The following CTNNA2 variants were observed in gnomAD, a reference collection of about 807,000 sequenced individuals.
The protein encoded by CTNNA2 is catenin alpha-2.
In CTNNA2, 42 loss-of-function variants were observed where a neutral mutation model predicts 101.0. The observed-to-expected ratio is 0.42, with a 90% CI of 0.32 to 0.54. The LOEUF is 0.54. Ranked by LOEUF, CTNNA2 falls within the 20% of genes least tolerant of loss-of-function variation. The pLI is 0.14. For synonymous variants in CTNNA2, 450 were observed against 456.4 expected (o/e 0.99, Z 0.18); for missense variants, 871 against 1,223.1 (o/e 0.71, Z 4.29).
intron 9 of CTNNA2, among the ~76,000 whole-genome samples, chr2:80,431,899 G>T (rs573790782): frequency 2.2e-4 from 33 of 149,104 alleles, no homozygotes; most frequent in East Asian, 3.9e-4. Flanking sequence ...CAACTTTTTG[G>T]TTTTTTTTTT....
chr2:79,791,580 T>G (rs1216257127), intron 3 of CTNNA2, among the ~76,000 whole-genome samples: 1 of 152,164 alleles, frequency 6.6e-6, no homozygotes, highest in Non-Finnish European at 1.5e-5. Flanking sequence ...TTTTATTTTA[T>G]GAAAACATAT....
At chr2:79,268,410 C>A (rs1378007483) in intron 2 of CTNNA2, among the ~76,000 whole-genome samples, 1 of 152,136 alleles carries the variant, frequency 6.6e-6, no homozygotes, top group Non-Finnish European at 1.5e-5. Context: ...CTGCATACCT[C>A]ACCCCATGCA....
intron 7 of CTNNA2, among the ~76,000 whole-genome samples, chr2:80,092,059 G>T (rs531120560): frequency 6.6e-6 from 1 of 152,178 alleles, no homozygotes; most frequent in African/African-American, 2.4e-5. Flanking sequence ...CACGACAAAT[G>T]ATCATTATTA....
At chr2:80,295,283 C>T (rs1407169908) in intron 7 of CTNNA2, among the ~76,000 whole-genome samples, 1 of 150,946 alleles carries the variant, frequency 6.6e-6, no homozygotes, top group Non-Finnish European at 1.5e-5. Context: ...TGTCTCAGGT[C>T]TCATGTGCGG....
chr2:80,627,682 C>T (rs768378570), intron 18 of CTNNA2, among the ~76,000 whole-genome samples: 5 of 152,080 alleles, frequency 3.3e-5, no homozygotes, highest in Non-Finnish European at 5.9e-5. Flanking sequence ...ATGATAGTTT[C>T]CTTTGCTGTG....
chr2:79,468,788 A>G lies in CTNNA2; in HGVS notation c.-134-36266A>G, dbSNP rs547357231. Reference sequence around the variant, plus strand: ...CTGCTCCTGAATGATTACTGGGTACATAACGAAATGAAGGCAGAAATAAAG... The same window carrying G: ...CTGCTCCTGAATGATTACTGGGTACGTAACGAAATGAAGGCAGAAATAAAG... On this transcript the variant is annotated intron_variant, in intron 4 of 21. Coordinates refer to the CTNNA2 transcript ENST00000466387. Among the ~76,000 whole-genome samples the G allele has an allele frequency of 3.3e-3, 507 of 152,324 alleles. 7 individuals carry two copies. Among genetic ancestry groups the G allele is most frequent in the African/African-American group, 0.011 (475 of 41,558 alleles).
chr2:79,400,545 G>A (rs980284757), intron 4 of CTNNA2, among the ~76,000 whole-genome samples: 6 of 151,792 alleles, frequency 4.0e-5, no homozygotes, highest in Admixed American at 6.6e-5. Context: ...GCGAACTGTC[G>A]AAAAGAAAAA....
chr2:80,034,354 C>CT (rs1199616310), intron 7 of CTNNA2, among the ~76,000 whole-genome samples: 7,980 of 54,042 alleles, frequency 0.15, 927 homozygotes, highest in African/African-American at 0.29. Context: ...ATTTTTTTTT[C>CT]TTTTTTTTTT....
chr2:79,955,698 A>G (rs1470855935), intron 7 of CTNNA2, among the ~76,000 whole-genome samples: 1 of 152,030 alleles, frequency 6.6e-6, no homozygotes, highest in African/African-American at 2.4e-5. Context: ...GATTTTTTGT[A>G]GAGACAGAAG....
chr2:79,754,075 G>A (rs1021819872), intron 3 of CTNNA2, among the ~76,000 whole-genome samples: 2 of 151,946 alleles, frequency 1.3e-5, no homozygotes, highest in Admixed American at 6.6e-5. Context: ...CACCATGTTG[G>A]CCAAGCTGGT....
chr2:79,677,253 C>T (rs187935645), intron 2 of CTNNA2, among the ~76,000 whole-genome samples: 1 of 152,272 alleles, frequency 6.6e-6, no homozygotes, highest in Non-Finnish European at 1.5e-5. Flanking sequence ...CACTGTTTCC[C>T]CTTTAAAGTC....
chr2:80,620,776 T>A (rs1684038958), intron 18 of CTNNA2, among the ~76,000 whole-genome samples: 1 of 151,916 alleles, frequency 6.6e-6, no homozygotes, highest in Admixed American at 6.6e-5. Context: ...TTTAATGTCT[T>A]TTATCAACCC....
At chr2:79,214,412 T>C (rs1267450475) in intron 2 of CTNNA2, among the ~76,000 whole-genome samples, 1 of 152,100 alleles carries the variant, frequency 6.6e-6, no homozygotes, top group Non-Finnish European at 1.5e-5. Context: ...AAGGGGCAGA[T>C]CCTGAACTAA....
At chr2:79,947,228 A>C (rs1688560034) in intron 7 of CTNNA2, among the ~76,000 whole-genome samples, 1 of 152,186 alleles carries the variant, frequency 6.6e-6, no homozygotes, top group South Asian at 2.1e-4. Flanking sequence ...TGACTCCTTA[A>C]TGAGCACATT....
At chr2:80,021,139 C>T (rs904442573) in intron 7 of CTNNA2, among the ~76,000 whole-genome samples, 4 of 151,748 alleles carry the variant, frequency 2.6e-5, no homozygotes, top group African/African-American at 9.7e-5. Context: ...CCCACCTCAG[C>T]CTCCTGAGCA....
At chr2:79,776,043 C>T (rs984589261) in intron 3 of CTNNA2, among the ~76,000 whole-genome samples, 3 of 152,126 alleles carry the variant, frequency 2.0e-5, no homozygotes, top group African/African-American at 7.2e-5. Flanking sequence ...TTATACTCCT[C>T]CCTTATGAGC....
rs779811813 is a variant in CTNNA2, at chr2:80,574,322, A to G, written c.1893+8A>G. On this transcript the variant is annotated splice_region_variant and intron_variant, in intron 13 of 18. Transcript: ENST00000402739. ...GCTGTGCTGATGATCAGGGTATGTG[A>G]GGCCTCTGTAGCTCAGAGCTGGTCA... is the stretch of plus-strand genomic sequence containing the variant. The G allele has an allele frequency of 9.4e-6, 15 of 1,601,068 alleles. No homozygotes were observed. Among genetic ancestry groups the G allele is most frequent in the Non-Finnish European group, 1.3e-5 (15 of 1,170,958 alleles).
intron 1 of CTNNA2, among the ~76,000 whole-genome samples, chr2:79,187,115 C>T (rs913696648): frequency 6.6e-6 from 1 of 151,892 alleles, no homozygotes; most frequent in African/African-American, 2.4e-5. Context: ...GGTATTATAT[C>T]AAGAGGACCA....
At chr2:79,840,697 C>T (rs993292541) in intron 3 of CTNNA2, among the ~76,000 whole-genome samples, 1 of 151,702 alleles carries the variant, frequency 6.6e-6, no homozygotes, top group African/African-American at 2.4e-5. Context: ...CCCGGGGAGG[C>T]CAAGGTGGGA....
Sources: allele counts gnomAD v4.1 joint callset (sites outside exome capture counted in the v4.1 genomes callset), GRCh38; gene constraint gnomAD v4.1.1; transcripts MANE v1.5; gene names NCBI Gene and HGNC (gene_info 2026-07-23, HGNC 2026-07-21).